Variants in CHRM3 observed in about 807,000 individuals in gnomAD.
CHRM3 encodes the protein cholinergic receptor muscarinic 3.
Under a neutral mutation model 41.8 loss-of-function variants are expected in CHRM3, and 11 were observed. That is an observed-to-expected ratio of 0.26 (90% CI 0.17 to 0.44). The LOEUF (loss-of-function observed/expected upper bound fraction) is 0.44, where lower values mean the gene tolerates loss of function less well. Ranked by LOEUF, CHRM3 falls within the 20% of genes least tolerant of loss-of-function variation. The pLI is 1.00. For missense variants in CHRM3, 571 were observed against 745.4 expected (o/e 0.77, Z 2.72); for synonymous variants, 297 against 301.4 (o/e 0.99, Z 0.15).
At chr1:239,688,569 GATATT>G (rs1341919486) in intron 5 of CHRM3, among the ~76,000 whole-genome samples, 3 of 129,480 alleles carry the variant, frequency 2.3e-5, no homozygotes, top group Admixed American at 9.0e-5. Flanking sequence ...TATATTATAT[GATATT>G]ATATATTACT....
At chr1:239,882,505 T>G (rs2102884331) in intron 6 of CHRM3, among the ~76,000 whole-genome samples, 1 of 152,282 alleles carries the variant, frequency 6.6e-6, no homozygotes, top group East Asian at 1.9e-4. Context: ...ATGAGATAGG[T>G]GCTGTTATCA....
rs149782957 is a variant in CHRM3 at position 239,718,465 on chromosome 1, T to C, written c.-147+40177T>C. Among the ~76,000 whole-genome samples, 1,439 of 152,090 alleles carry C rather than the reference T, an allele frequency of 9.5e-3. 19 individuals are homozygous for C. Among genetic ancestry groups the C allele is most frequent in the African/African-American group, 0.031 (1,293 of 41,526 alleles). ...TTCATCAAGAGCTATTTGTTTCTAA[T>C]TGGGGAAGAAAATACAGATGTTTAT... On this transcript the variant is annotated intron_variant, in intron 5 of 6. Coordinates refer to ENST00000676153, the MANE Select transcript of CHRM3 (RefSeq NM_001375978.1).
At chr1:239,794,297 T>A (rs1669582443) in intron 5 of CHRM3, among the ~76,000 whole-genome samples, 1 of 151,976 alleles carries the variant, frequency 6.6e-6, no homozygotes, top group Non-Finnish European at 1.5e-5. Flanking sequence ...GACATGCACG[T>A]GGTTACAGAA....
chr1:239,708,736 C>CTTTTTTTTTTTTTTTTTT lies in CHRM3; in HGVS notation c.-147+30458_-147+30475dup, dbSNP rs869143310. ...CTTTGTTTCTTCTGGTTTAAATTTT[C>CTTTTTTTTTTTTTTTTTT]TTTTTTTTTTTTTTTTTTTTTTTTT... is the stretch of plus-strand genomic sequence containing the variant. On this transcript the variant is annotated intron_variant, in intron 5 of 6. Transcript: ENST00000676153. Among the ~76,000 whole-genome samples, 14 of 48,340 alleles carry CTTTTTTTTTTTTTTTTTT rather than the reference C, an allele frequency of 2.9e-4. 1 individual carries two copies. Among genetic ancestry groups the CTTTTTTTTTTTTTTTTTT allele is most frequent in the Non-Finnish European group, 4.6e-4 (13 of 28,522 alleles). 31.7% of individuals were successfully genotyped at this position (48,340 alleles called of 152,430 possible).
At chr1:239,469,958 C>G (rs1434063753) in intron 1 of CHRM3, among the ~76,000 whole-genome samples, 2 of 152,110 alleles carry the variant, frequency 1.3e-5, no homozygotes, top group Admixed American at 1.3e-4. Context: ...TGGCTGGAGT[C>G]TCAGGTGAAG....
intron 5 of CHRM3, among the ~76,000 whole-genome samples, chr1:239,702,674 G>A (rs1003417703): frequency 3.9e-5 from 6 of 152,226 alleles, no homozygotes; most frequent in East Asian, 3.9e-4. Context: ...GCAGTGGCGC[G>A]ATCTCAGCTC....
intron 4 of CHRM3, among the ~76,000 whole-genome samples, chr1:239,643,574 G>C (rs1006384236): frequency 5.3e-5 from 8 of 152,208 alleles, no homozygotes; most frequent in African/African-American, 9.6e-5. Flanking sequence ...CTCCGAGCCA[G>C]GTGCGGGATA....
At chr1:239,601,758 T>C (rs1007475945) in intron 3 of CHRM3, among the ~76,000 whole-genome samples, 1 of 152,172 alleles carries the variant, frequency 6.6e-6, no homozygotes, top group Non-Finnish European at 1.5e-5. Context: ...TGGCTGCTCT[T>C]ATAGTTGTTA....
intron 5 of CHRM3, among the ~76,000 whole-genome samples, chr1:239,761,718 T>C (rs1486874205): frequency 6.6e-6 from 1 of 152,210 alleles, no homozygotes; most frequent in East Asian, 1.9e-4. Flanking sequence ...GCATCTGGCC[T>C]GGGTGCTCTG....
chr1:239,833,894 G>T (rs1380077066), intron 6 of CHRM3, among the ~76,000 whole-genome samples: 1 of 152,076 alleles, frequency 6.6e-6, no homozygotes, highest in Admixed American at 6.5e-5. Flanking sequence ...ACACCCACCT[G>T]TTCCTGCACT....
At chr1:239,524,275 T>C (rs533147275) in intron 2 of CHRM3, among the ~76,000 whole-genome samples, 1 of 152,330 alleles carries the variant, frequency 6.6e-6, no homozygotes, top group African/African-American at 2.4e-5. Context: ...CAAATTGTAC[T>C]GACAGCATAT....
At chr1:239,760,567 C>G (rs1666675923) in intron 5 of CHRM3, among the ~76,000 whole-genome samples, 1 of 152,112 alleles carries the variant, frequency 6.6e-6, no homozygotes, top group African/African-American at 2.4e-5. Context: ...ACACTAGTCC[C>G]TCTCCCCTCA....
At chr1:239,743,442 C>T (rs1042249515) in intron 5 of CHRM3, among the ~76,000 whole-genome samples, 13 of 152,136 alleles carry the variant, frequency 8.5e-5, no homozygotes, top group African/African-American at 3.1e-4. Flanking sequence ...ATGGAGGTGG[C>T]CTGAGCATGA....
chr1:239,836,919 G>A (rs537240736), intron 6 of CHRM3, among the ~76,000 whole-genome samples: 9 of 151,072 alleles, frequency 6.0e-5, no homozygotes, highest in South Asian at 2.1e-4. Context: ...AAGTTGCAGC[G>A]AGCCGAGATA....
chr1:239,510,338 G>A (rs966802412), intron 2 of CHRM3, among the ~76,000 whole-genome samples: 1 of 152,164 alleles, frequency 6.6e-6, no homozygotes, highest in African/African-American at 2.4e-5. Flanking sequence ...ATCTTCTACA[G>A]TGTTTTCTTG....
intron 6 of CHRM3, among the ~76,000 whole-genome samples, chr1:239,888,199 A>C (rs1183129504): frequency 6.6e-6 from 1 of 151,840 alleles, no homozygotes; most frequent in African/African-American, 2.4e-5. Context: ...CCATCTCTAC[A>C]AAAAAAGAAT....
At chr1:239,664,016 T>A (rs968093847) in intron 4 of CHRM3, among the ~76,000 whole-genome samples, 5 of 152,168 alleles carry the variant, frequency 3.3e-5, no homozygotes, top group African/African-American at 1.2e-4. Flanking sequence ...GGAAACCAAG[T>A]TTCCCAAATG....
chr1:239,743,700 A>C (rs1665062830), intron 5 of CHRM3, among the ~76,000 whole-genome samples: 1 of 147,402 alleles, frequency 6.8e-6, no homozygotes, highest in African/African-American at 2.5e-5. Context: ...ACTAGGTTTC[A>C]CTCCTTTTTC....
chr1:239,390,723 C>A (rs1658957555), intron 1 of CHRM3, among the ~76,000 whole-genome samples: 1 of 151,994 alleles, frequency 6.6e-6, no homozygotes, highest in South Asian at 2.1e-4. Flanking sequence ...TCATGAAAGG[C>A]TTCCCTTTTC....
Sources: gnomAD v4.1 joint callset for allele counts (sites outside exome capture counted in the v4.1 genomes callset) on GRCh38, gnomAD v4.1.1 for gene constraint, MANE v1.5 for transcripts, NCBI Gene and HGNC (gene_info 2026-07-23, HGNC 2026-07-21) for gene names.